OR51B5: variants seen among roughly 807,000 people sequenced by gnomAD.
The protein encoded by OR51B5 is olfactory receptor 51B5.
For missense variants in OR51B5, 456 were observed against 374.6 expected, an observed-to-expected ratio of 1.22 and a Z score of -1.79; for synonymous variants, 186 against 144.8, an observed-to-expected ratio of 1.28 and a Z score of -2.04.
chr11:5,395,377 A>G (rs903525197), intron 1 of OR51B5, among the ~76,000 whole-genome samples: 5 of 152,186 alleles, frequency 3.3e-5, no homozygotes, highest in African/African-American at 1.2e-4. Flanking sequence ...TGGATAAAGG[A>G]AGTCATTGGA....
intron 1 of OR51B5, among the ~76,000 whole-genome samples, chr11:5,462,719 C>A (rs902911469): frequency 2.0e-5 from 3 of 152,192 alleles, no homozygotes; most frequent in African/African-American, 7.2e-5. Context: ...TGGGCTGATG[C>A]ACTACTTTGG....
intron 1 of OR51B5, chr11:5,453,788 G>C (rs757116270): frequency 1.2e-6 from 2 of 1,614,198 alleles, no homozygotes; most frequent in Admixed American, 3.3e-5. Flanking sequence ...GTCTAATTCA[G>C]ATGTTTCTTA....
intron 1 of OR51B5, among the ~76,000 whole-genome samples, chr11:5,350,665 C>T (rs1036038365): frequency 6.6e-6 from 1 of 152,152 alleles, no homozygotes; most frequent in Non-Finnish European, 1.5e-5. Flanking sequence ...TGATATGCAA[C>T]AGTAGTTTGG....
chr11:5,498,225 C>G (rs1451717956), intron 1 of OR51B5, among the ~76,000 whole-genome samples: 1 of 152,156 alleles, frequency 6.6e-6, no homozygotes, highest in Non-Finnish European at 1.5e-5. Context: ...CCCTAAACCC[C>G]TTAGCTATCT....
intron 1 of OR51B5, among the ~76,000 whole-genome samples, chr11:5,441,977 A>T (rs1054081955): frequency 6.6e-6 from 1 of 152,190 alleles, no homozygotes; most frequent in Admixed American, 6.5e-5. Context: ...ATAGCCAAAA[A>T]CTTTTCTATC....
At chr11:5,411,210 T>G (rs1395255581) in intron 1 of OR51B5, among the ~76,000 whole-genome samples, 1 of 152,192 alleles carries the variant, frequency 6.6e-6, no homozygotes, top group Non-Finnish European at 1.5e-5. Context: ...GTATCATTGT[T>G]TATCTGTTGT....
At chr11:5,415,489 TG>T (rs1451632474) in intron 1 of OR51B5, among the ~76,000 whole-genome samples, 2 of 151,770 alleles carry the variant, frequency 1.3e-5, no homozygotes, top group Non-Finnish European at 2.9e-5. Context: ...ATCCAGGAGC[TG>T]GTTTCTTGAA....
intron 1 of OR51B5, among the ~76,000 whole-genome samples, chr11:5,481,149 G>A (rs901466570): frequency 1.7e-4 from 9 of 52,368 alleles, no homozygotes; most frequent in Admixed American, 2.5e-4. Flanking sequence ...ACATCAAAAA[G>A]CTTATCCACC....
At chr11:5,357,608 C>T (rs1404316217) in intron 1 of OR51B5, among the ~76,000 whole-genome samples, 1 of 151,768 alleles carries the variant, frequency 6.6e-6, no homozygotes, top group African/African-American at 2.4e-5. Context: ...CAAGGATATC[C>T]AGGAATTGAA....
At chr11:5,495,690 CAG>C (rs1851640347) in intron 1 of OR51B5, among the ~76,000 whole-genome samples, 1 of 148,620 alleles carries the variant, frequency 6.7e-6, no homozygotes, top group South Asian at 2.1e-4. Context: ...AGCTACAACA[CAG>C]TCAGAAAACA....
At chr11:5,447,171 C>A (rs74850665) in intron 1 of OR51B5, among the ~76,000 whole-genome samples, 2 of 152,174 alleles carry the variant, frequency 1.3e-5, no homozygotes, top group African/African-American at 4.8e-5. Flanking sequence ...TGTTCTGTAC[C>A]AAGGCTAAGC....
At chr11:5,367,028 C>T (rs1301995529) in intron 1 of OR51B5, among the ~76,000 whole-genome samples, 3 of 152,138 alleles carry the variant, frequency 2.0e-5, no homozygotes, top group African/African-American at 7.2e-5. Context: ...GTCCATGAAC[C>T]AGGATAAAAT....
intron 1 of OR51B5, among the ~76,000 whole-genome samples, chr11:5,380,966 G>A (rs1261510439): frequency 6.6e-6 from 1 of 152,112 alleles, no homozygotes; most frequent in Non-Finnish European, 1.5e-5. Context: ...ACCACAGCAT[G>A]TGTACAGACC....
chr11:5,470,418 T>C (rs1390237415), intron 1 of OR51B5, among the ~76,000 whole-genome samples: 1 of 152,182 alleles, frequency 6.6e-6, no homozygotes, highest in Non-Finnish European at 1.5e-5. Context: ...CATTTTCCAC[T>C]CACTTTCACA....
At chr11:5,500,031 A>T (rs976935009) in intron 1 of OR51B5, among the ~76,000 whole-genome samples, 29 of 152,354 alleles carry the variant, frequency 1.9e-4, no homozygotes, top group Middle Eastern at 3.4e-3. Context: ...GCCTAGGGGT[A>T]TAAGAGACAG....
chr11:5,452,321 G>A (rs1293164762), intron 1 of OR51B5, among the ~76,000 whole-genome samples: 8 of 151,766 alleles, frequency 5.3e-5, no homozygotes, highest in East Asian at 1.9e-4. Flanking sequence ...TGGCTAACAC[G>A]GTGAAACCCC....
rs778650615 is a variant in OR51B5, at chr11:5,430,762, A to G, written n.84+74807T>C. On this transcript the variant is annotated intron_variant and non_coding_transcript_variant, in intron 1 of 4. Coordinates refer to the OR51B5 transcript ENST00000415970. Reference sequence around the variant, plus strand: ...AAGTACAGGTGGCACCAAAAGGCAGATGCTAGACATAAGTGTGTGGACAAT... The same window carrying G: ...AAGTACAGGTGGCACCAAAAGGCAGGTGCTAGACATAAGTGTGTGGACAAT... The G allele has an allele frequency of 4.2e-5, 19 of 457,094 alleles. 1 individual carries two copies. Among genetic ancestry groups the G allele is most frequent in the South Asian group, 2.9e-4 (19 of 64,578 alleles). The allele number at this position is 457,094 out of a possible 1,614,324, so 28.3% of individuals were successfully genotyped here. A position where few individuals can be genotyped will look rare whatever the true frequency, so the allele number is the denominator to read the frequency against.
At chr11:5,454,552 A>G (rs1243839708) in intron 1 of OR51B5, 10 of 742,582 alleles carry the variant, frequency 1.3e-5, no homozygotes, top group Non-Finnish European at 2.2e-5. Flanking sequence ...GGAGATGGTG[A>G]TGCAAAACTT....
intron 1 of OR51B5, among the ~76,000 whole-genome samples, chr11:5,456,697 T>C (rs1412126559): frequency 6.6e-6 from 1 of 152,180 alleles, no homozygotes; most frequent in Non-Finnish European, 1.5e-5. Flanking sequence ...GGTGGACAAA[T>C]TATTTCATCA....
Sources: gnomAD v4.1 joint callset for allele counts (sites outside exome capture counted in the v4.1 genomes callset) on GRCh38, gnomAD v4.1.1 for gene constraint, MANE v1.5 for transcripts, NCBI Gene and HGNC (gene_info 2026-07-23, HGNC 2026-07-21) for gene names.